The following CD34 variants were observed in gnomAD, a reference collection of about 807,000 sequenced individuals.
The protein encoded by CD34 is hematopoietic progenitor cell antigen CD34.
A neutral mutation model predicts 40.1 loss-of-function variants in CD34; 34 were observed. The ratio of observed to expected loss-of-function variants is 0.85; its 90% CI spans 0.65 to 1.13. The LOEUF (loss-of-function observed/expected upper bound fraction) is 1.13. CD34 is among the 50% of genes most tolerant of loss of function. CD34 has a pLI of 0.00. For missense variants in CD34, 426 were observed against 466.9 expected, an observed-to-expected ratio of 0.91 and a Z score of 0.81; for synonymous variants, 209 against 190.0, an observed-to-expected ratio of 1.10 and a Z score of -0.82.
rs1278731994 is a variant in CD34 at position 207,897,516 on chromosome 1, C to T, written c.574G>A (p.Glu192Lys). 1 of 1,560,010 alleles carries T rather than the reference C, an allele frequency of 6.4e-7. No individual in the cohort carries two copies. The highest frequency in any genetic ancestry group is 8.7e-7 in the Non-Finnish European group (1 of 1,150,272). ...ACACAGCTGGAGGTCTTATTTTGCT[C>T]CAGGCAGATGCCCTGAGTCAATTTC... ...EVKLTQGICL[E>K]QNKTSSCAEF... Residue 192 changes from glutamate to lysine, a missense_variant, in exon 4 of 8, where the codon GAG becomes AAG. Glu to Lys is a moderately conservative substitution (Grantham distance 56). Transcript: ENST00000310833.
rs749431421 is a variant in CD34, at chr1:207,897,542, A to C, written c.548T>G (p.Val183Gly). The change falls in exon 4 of 8, where the codon GTG becomes GGG. Residue 183 changes from valine (V) to glycine (G), a missense_variant. Transcript: ENST00000310833. ...AEIKCSGIRE[V>G]KLTQGICLEQ... ...CAGGCAGATGCCCTGAGTCAATTTC[A>C]CTTCTCTGATGCCTGAACATTTGAT... The C allele has an allele frequency of 1.9e-5, 30 of 1,558,010 alleles. No individual in the cohort carries two copies. In the South Asian group the frequency reaches 3.3e-4, roughly 17 times the overall value.
In CD34 at chr1:207,888,672, C is replaced by A; in HGVS notation, c.972+10G>T. The A allele has an allele frequency of 6.2e-7, 1 of 1,613,906 alleles. No individual in the cohort carries two copies. The highest frequency in any genetic ancestry group is 1.1e-5 in the South Asian group (1 of 91,052). On this transcript the variant is annotated intron_variant, in intron 7 of 7. Coordinates refer to ENST00000310833, the MANE Select transcript of CD34 (RefSeq NM_001025109.2). ...TCCTCATTTCCTTTACCCTGGCCCC[C>A]AGAACTGACCAGCCTTTCTCCTGTG...
rs1264907723 is a variant in CD34 at position 207,887,204 on chromosome 1, T to C, written c.*534A>G. 3 of 155,368 alleles carry C rather than the reference T, an allele frequency of 1.9e-5. No homozygotes were observed. The highest frequency in any genetic ancestry group is 7.2e-5 in the African/African-American group (3 of 41,454). The allele number at this position is 155,368 out of a possible 1,614,324, so 9.6% of individuals were successfully genotyped here. Reference sequence around the variant, plus strand: ...AGCTGGTGACCAAGTCCACAGTGTCTTGGAGGAGAGATGAGGGAAGTGGTT... The same window carrying C: ...AGCTGGTGACCAAGTCCACAGTGTCCTGGAGGAGAGATGAGGGAAGTGGTT... On this transcript the variant is annotated 3_prime_UTR_variant, in exon 8 of 8. Coordinates refer to ENST00000310833, the MANE Select transcript of CD34 (RefSeq NM_001025109.2).
rs1474995618 is a variant in CD34 at position 207,885,315 on chromosome 1, G to A, written c.*2423C>T. The A allele has an allele frequency of 1.3e-5, 2 of 152,272 alleles. No homozygotes were observed. Among genetic ancestry groups the A allele is most frequent in the Non-Finnish European group, 2.9e-5 (2 of 68,152 alleles). 9.4% of individuals were successfully genotyped at this position (152,272 alleles called of 1,614,324 possible). On this transcript the variant is annotated 3_prime_UTR_variant, in exon 8 of 8. Transcript: ENST00000310833. ...GAAAGTTGGATTTTTCCAGAAAGCA[G>A]GCAAATTCTTCAGGGCAAGCTGTCC...
chr1:207,888,559 T>C, intron 7 of CD34, 123 bp downstream of exon 7: 2 of 946,758 alleles, frequency 2.1e-6, no homozygotes, highest in South Asian at 3.1e-5. Context: ...CACATGCATA[T>C]CTTTATGTAA....
intron 4 of CD34, among the ~76,000 whole-genome samples, chr1:207,890,906 G>A (rs550595574): frequency 1.3e-5 from 2 of 152,166 alleles, no homozygotes; most frequent in Non-Finnish European, 2.9e-5. Flanking sequence ...GGAAAAATCC[G>A]TTTTTCTGAA....
chr1:207,908,134 C>T (rs1662422806), intron 1 of CD34, among the ~76,000 whole-genome samples: 1 of 152,190 alleles, frequency 6.6e-6, no homozygotes, highest in Non-Finnish European at 1.5e-5. Flanking sequence ...TAGGACTCTG[C>T]AGCTGAGTTT....
Position 207,887,288 on chromosome 1 carries a change from T to C in CD34, c.*450A>G, listed in dbSNP as rs1054571541. 6.1e-6 allele frequency: 1 copy of C among 164,578 alleles called. No individual in the cohort carries two copies. The highest frequency in any genetic ancestry group is 2.4e-5 in the African/African-American group (1 of 41,632). 10.2% of individuals were successfully genotyped at this position (164,578 alleles called of 1,614,324 possible). ...AAGAGAGCAGGTGCAAAAGGTTACT[T>C]TGGTTTCCTCAAAGTAGAGAAAGAA... On this transcript the variant is annotated 3_prime_UTR_variant, in exon 8 of 8. Coordinates refer to ENST00000310833, the MANE Select transcript of CD34 (RefSeq NM_001025109.2).
chr1:207,900,087 A>G (rs1185424918), intron 1 of CD34, 84 bp from the exon 2 acceptor site: 1 of 1,055,368 alleles, frequency 9.5e-7, no homozygotes, highest in Non-Finnish European at 1.4e-6. Context: ...GACTTCAGGT[A>G]GAATTCGTCT....
chr1:207,898,045 T>TTATTTATTTATG (rs1662188509), intron 3 of CD34, among the ~76,000 whole-genome samples: 1 of 150,768 alleles, frequency 6.6e-6, no homozygotes, highest in African/African-American at 2.4e-5. Context: ...ATTTATTTAT[T>TTATTTATTTATG]TATTTATTTA....
intron 1 of CD34, among the ~76,000 whole-genome samples, chr1:207,908,488 C>T (rs541363565): frequency 4.7e-4 from 71 of 152,294 alleles, no homozygotes; most frequent in African/African-American, 1.7e-3. Flanking sequence ...ATTCTTTTCC[C>T]TTTTATTTTT....
intron 7 of CD34, 130 bp from the exon 8 acceptor site, chr1:207,888,053 C>T (rs368265367): frequency 2.9e-5 from 47 of 1,608,614 alleles, no homozygotes; most frequent in Non-Finnish European, 3.6e-5. Context: ...GAGGAAGGAT[C>T]GGAGGGAGGG....
chr1:207,889,160 C>G lies in CD34; in HGVS notation c.807+1G>C. 1 of 1,561,920 alleles carries G rather than the reference C, an allele frequency of 6.4e-7. No individual in the cohort carries two copies. Among genetic ancestry groups the G allele is most frequent in the Non-Finnish European group, 8.8e-7 (1 of 1,132,334 alleles). On this transcript the variant is annotated splice_donor_variant, in intron 6 of 7. Coordinates refer to ENST00000310833, the MANE Select transcript of CD34 (RefSeq NM_001025109.2). LOFTEE classifies it high-confidence loss of function. ...CAGGCCCATCATCTCAGAGGACTTACCTTTTTCAGGTCAGATTGGTGCTTT... is the reference window on the plus strand; with the variant it reads ...CAGGCCCATCATCTCAGAGGACTTAGCTTTTTCAGGTCAGATTGGTGCTTT...
chr1:207,885,440 A>T lies in CD34; in HGVS notation c.*2298T>A, dbSNP rs1260096385. The T allele has an allele frequency of 3.9e-5, 6 of 152,148 alleles. No homozygotes were observed. Among genetic ancestry groups the T allele is most frequent in the Non-Finnish European group, 7.3e-5 (5 of 68,080 alleles). 9.4% of individuals were successfully genotyped at this position (152,148 alleles called of 1,614,324 possible). A position where few individuals can be genotyped will look rare whatever the true frequency, so the allele number is the denominator to read the frequency against. Reference sequence around the variant, plus strand: ...CACATTCCAGCAAACTCAGGGTGAGATGCATTGCAGGTTGCTAGGCCTGAA... The same window carrying T: ...CACATTCCAGCAAACTCAGGGTGAGTTGCATTGCAGGTTGCTAGGCCTGAA... On this transcript the variant is annotated 3_prime_UTR_variant, in exon 8 of 8. Coordinates refer to ENST00000310833, the MANE Select transcript of CD34 (RefSeq NM_001025109.2).
intron 6 of CD34, 69 bp from the exon 7 acceptor site, chr1:207,888,915 T>C (rs2745952): frequency 0.69 from 1,020,518 of 1,485,710 alleles, 353,337 homozygotes; most frequent in East Asian, 0.92. Context: ...GCTCCAGCCC[T>C]CTGTGTGTGA....
Position 207,886,070 on chromosome 1 carries a change from G to A in CD34, c.*1668C>T, listed in dbSNP as rs1661890515. ...GCCCCCTCCCTGAGTTGGCTGCCAG[G>A]TCTCTAGAACAACAGTCCCCACATA... On this transcript the variant is annotated 3_prime_UTR_variant, in exon 8 of 8. Coordinates refer to ENST00000310833, the MANE Select transcript of CD34 (RefSeq NM_001025109.2). 6.6e-6 allele frequency: 1 copy of A among 152,008 alleles called. No homozygotes were observed. Among genetic ancestry groups the A allele is most frequent in the African/African-American group, 2.4e-5 (1 of 41,370 alleles). 9.4% of individuals were successfully genotyped at this position (152,008 alleles called of 1,614,324 possible).
chr1:207,904,815 A>G (rs1662344048), intron 1 of CD34, among the ~76,000 whole-genome samples: 1 of 152,044 alleles, frequency 6.6e-6, no homozygotes, highest in South Asian at 2.1e-4. Context: ...TATGTGTTTT[A>G]CTCCTGGTGC....
intron 1 of CD34, among the ~76,000 whole-genome samples, chr1:207,902,740 TAGAC>T (rs1662298377): frequency 3.9e-5 from 6 of 152,190 alleles, no homozygotes; most frequent in Admixed American, 2.6e-4. Context: ...CTCCTTCACC[TAGAC>T]AAACACTTTT....
At chr1:207,904,880 C>G (rs1571778714) in intron 1 of CD34, among the ~76,000 whole-genome samples, 1 of 152,178 alleles carries the variant, frequency 6.6e-6, no homozygotes, top group Non-Finnish European at 1.5e-5. Context: ...ACAACTGTGG[C>G]AGGTGTGTTC....
Sources: gnomAD v4.1 joint callset for allele counts (sites outside exome capture counted in the v4.1 genomes callset) on GRCh38, gnomAD v4.1.1 for gene constraint, MANE v1.5 for transcripts, NCBI Gene and HGNC (gene_info 2026-07-23, HGNC 2026-07-21) for gene names.